DGKB: variants seen among roughly 807,000 people sequenced by gnomAD.
The protein encoded by DGKB is diacylglycerol kinase beta, also known as 90 kDa diacylglycerol kinase.
A neutral mutation model predicts 114.3 loss-of-function variants in DGKB; 67 were observed. The ratio of observed to expected loss-of-function variants is 0.59; its 90% confidence interval spans 0.48 to 0.72. The LOEUF (loss-of-function observed/expected upper bound fraction) is 0.72, where lower values mean the gene tolerates loss of function less well. DGKB is among the 30% of genes least tolerant of loss of function. The probability of loss-of-function intolerance (pLI) is 0.00; values close to 1 mark genes in which losing one functional copy is unlikely to be tolerated. For missense variants in DGKB, 907 were observed against 975.2 expected, an observed-to-expected ratio of 0.93 and a Z score of 0.93; for synonymous variants, 398 against 323.1, an observed-to-expected ratio of 1.23 and a Z score of -2.49.
At chr7:14,458,450 G>A (rs960276929) in intron 21 of DGKB, among the ~76,000 whole-genome samples, 3 of 152,154 alleles carry the variant, frequency 2.0e-5, no homozygotes, top group Admixed American at 6.5e-5. Context: ...AGCTCCCAGC[G>A]AAATCAATGC....
chr7:14,698,238 G>C lies in DGKB; in HGVS notation c.517-69C>G, dbSNP rs940708511. The C allele has an allele frequency of 6.0e-6, 6 of 996,986 alleles. No individual in the cohort carries two copies. In the African/African-American group the frequency reaches 1.0e-4, roughly 17 times the overall value. 61.8% of individuals were successfully genotyped at this position (996,986 alleles called of 1,614,324 possible). ...GTGAGTTTTAAATCTTTCACTTGCA[G>C]AAATTGTTTTGTTCAATGTGTAGCT... On this transcript the variant is annotated intron_variant, in intron 7 of 25. Coordinates refer to ENST00000402815, the MANE Select transcript of DGKB (RefSeq NM_001350709.2).
At chr7:14,539,275 T>C (rs2128614583) in intron 20 of DGKB, among the ~76,000 whole-genome samples, 1 of 152,238 alleles carries the variant, frequency 6.6e-6, no homozygotes, top group Admixed American at 6.5e-5. Flanking sequence ...CAAATTTCAT[T>C]AATTATGTGT....
At chr7:14,325,808 G>A (rs975690788) in intron 23 of DGKB, among the ~76,000 whole-genome samples, 28 of 152,064 alleles carry the variant, frequency 1.8e-4, no homozygotes, top group Admixed American at 1.4e-3. Context: ...ACTGGTCCAC[G>A]GTTAGAAAAT....
At chr7:14,589,031 T>C (rs1563605667) in intron 17 of DGKB, among the ~76,000 whole-genome samples, 7 of 152,104 alleles carry the variant, frequency 4.6e-5, no homozygotes, top group Non-Finnish European at 1.5e-5. Context: ...ATGAATGTAG[T>C]ATTGCTCGAT....
chr7:14,950,928 C>G (rs1786164940), intron 1 of DGKB, among the ~76,000 whole-genome samples: 1 of 151,738 alleles, frequency 6.6e-6, no homozygotes, highest in South Asian at 2.1e-4. Context: ...TGTATGTAAG[C>G]TTGGTTTACA....
chr7:14,161,670 G>T (rs558337006), intron 25 of DGKB, among the ~76,000 whole-genome samples: 7 of 151,794 alleles, frequency 4.6e-5, no homozygotes, highest in Non-Finnish European at 1.0e-4. Flanking sequence ...CTGTTGGGGG[G>T]TGGGGGGCAA....
chr7:14,438,989 C>CT lies in DGKB; in HGVS notation c.1835+39171dup, dbSNP rs34850004. 4.5e-4 allele frequency among the ~76,000 whole-genome samples: 67 copies of CT among 148,734 alleles called. 1 individual carries two copies. The South Asian group carries it at 0.011, about 25-fold the overall frequency. On this transcript the variant is annotated intron_variant, in intron 21 of 25. Coordinates refer to ENST00000402815, the MANE Select transcript of DGKB (RefSeq NM_001350709.2). ...ATTATATTATAATGGGGGAAGCCTC[C>CT]TTTTTTTTTTCTTTTAGTTCAAGTT...
At chr7:14,961,081 A>C (rs1483161540) in intron 1 of DGKB, among the ~76,000 whole-genome samples, 2 of 152,096 alleles carry the variant, frequency 1.3e-5, no homozygotes. Flanking sequence ...ATACAAATCT[A>C]TTTAATGTGT....
At chr7:14,891,451 G>T (rs1781211241) in intron 1 of DGKB, among the ~76,000 whole-genome samples, 1 of 151,370 alleles carries the variant, frequency 6.6e-6, no homozygotes, top group African/African-American at 2.4e-5. Context: ...GACACAATAG[G>T]AGTGCAAGTA....
At chr7:14,906,656 T>G (rs12670069), upstream of DGKB, among the ~76,000 whole-genome samples, 33,917 of 151,948 alleles carry the variant, frequency 0.22, 5,986 homozygotes, top group East Asian at 0.77. Context: ...TTTCACCATG[T>G]TGGTCAGGCT....
At chr7:14,774,032 G>T (rs748198219) in intron 2 of DGKB, among the ~76,000 whole-genome samples, 1 of 152,022 alleles carries the variant, frequency 6.6e-6, no homozygotes, top group African/African-American at 2.4e-5. Context: ...TTGTTTGATT[G>T]TTTGTTTGTT....
At position 14,574,351 on chromosome 7, in the gene DGKB, A is replaced by G. The variant is rs1224793221; in HGVS notation, c.1631T>C (p.Met544Thr). ...WGGGYEGENL[M>T]KILKDIENST... ...GTTTTCAATGTCTTTTAGAATTTTCATCAGATTCTCACCTTCGTAACCTAG... is the reference window on the plus strand; with the variant it reads ...GTTTTCAATGTCTTTTAGAATTTTCGTCAGATTCTCACCTTCGTAACCTAG... The change falls in exon 20 of 26, where the codon ATG (methionine) becomes ACG (threonine). Residue 544 changes from methionine to threonine, a missense_variant. Around this residue, in one of 3 missense-constraint regions of DGKB, gnomAD observed 814 missense variants for 856.6 expected, o/e 0.95. Coordinates refer to ENST00000402815, the MANE Select transcript of DGKB (RefSeq NM_001350709.2). 8 of 1,612,298 alleles carry G rather than the reference A, an allele frequency of 5.0e-6. No individual in the cohort carries two copies. Among genetic ancestry groups the G allele is most frequent in the Non-Finnish European group, 5.9e-6 (7 of 1,179,392 alleles).
intron 5 of DGKB, among the ~76,000 whole-genome samples, chr7:14,734,794 C>T (rs1430353094): frequency 2.6e-5 from 4 of 152,178 alleles, no homozygotes. Flanking sequence ...TCCACATAAA[C>T]ATAAGTTCCT....
chr7:14,811,623 A>G (rs977907379), intron 2 of DGKB, among the ~76,000 whole-genome samples: 3 of 152,162 alleles, frequency 2.0e-5, no homozygotes, highest in Non-Finnish European at 4.4e-5. Flanking sequence ...TATCATATCA[A>G]CTTCAGGTGA....
chr7:14,179,373 T>C (rs2128247725), intron 23 of DGKB, among the ~76,000 whole-genome samples: 1 of 152,330 alleles, frequency 6.6e-6, no homozygotes, highest in South Asian at 2.1e-4. Flanking sequence ...TGTTTTTGTG[T>C]ATTTTCAAAT....
intron 1 of DGKB, among the ~76,000 whole-genome samples, chr7:14,940,576 C>G (rs1241428030): frequency 6.6e-6 from 1 of 152,062 alleles, no homozygotes. Flanking sequence ...AACTGGTGAT[C>G]CAGTTTTGGC....
intron 13 of DGKB, among the ~76,000 whole-genome samples, chr7:14,653,103 C>T (rs1209414556): frequency 6.6e-6 from 1 of 150,528 alleles, no homozygotes; most frequent in Non-Finnish European, 1.5e-5. Flanking sequence ...GTGGCGATTC[C>T]TCAGGGATCT....
At chr7:14,158,972 C>G (rs546700810) in intron 25 of DGKB, among the ~76,000 whole-genome samples, 1 of 152,124 alleles carries the variant, frequency 6.6e-6, no homozygotes, top group Non-Finnish European at 1.5e-5. Context: ...TGTTCTAAGG[C>G]CTGAACAATT....
intron 20 of DGKB, among the ~76,000 whole-genome samples, chr7:14,535,227 G>A (rs2128603622): frequency 6.6e-6 from 1 of 152,110 alleles, no homozygotes; most frequent in Non-Finnish European, 1.5e-5. Flanking sequence ...TAATTAGCCA[G>A]GCATGATCGT....
Sources: allele counts gnomAD v4.1 joint callset (sites outside exome capture counted in the v4.1 genomes callset), GRCh38; gene constraint gnomAD v4.1.1; regional missense constraint gnomAD v4.1.1; transcripts MANE v1.5; gene names NCBI Gene and HGNC (gene_info 2026-07-23, HGNC 2026-07-21).